LCOR: variants seen among roughly 807,000 people sequenced by gnomAD.
The protein encoded by LCOR is ligand dependent nuclear receptor corepressor, also known as ligand-dependent corepressor.
A neutral mutation model predicts 64.4 loss-of-function variants in LCOR; 14 were observed. The observed-to-expected ratio is 0.22, with a 90% confidence interval of 0.14 to 0.34. The LOEUF (loss-of-function observed/expected upper bound fraction) is 0.34. Ranked by LOEUF, LCOR falls within the 10% of genes least tolerant of loss-of-function variation. The probability of loss-of-function intolerance (pLI) is 1.00; values close to 1 mark genes in which losing one functional copy is unlikely to be tolerated. For missense variants in LCOR, 1,686 were observed against 1,765.3 expected, an observed-to-expected ratio of 0.96 and a Z score of 0.80; for synonymous variants, 643 against 642.5, an observed-to-expected ratio of 1.00 and a Z score of -0.01.
At chr10:96,960,019 A>G (rs1847854171) in intron 7 of LCOR, 2 of 152,212 alleles carry the variant, frequency 1.3e-5, no homozygotes, top group South Asian at 2.1e-4. Flanking sequence ...CTTAGCTATA[A>G]TATGAGCTAT....
At chr10:96,890,777 C>T (rs999629071) in intron 2 of LCOR, among the ~76,000 whole-genome samples, 2 of 152,178 alleles carry the variant, frequency 1.3e-5, no homozygotes, top group African/African-American at 4.8e-5. Flanking sequence ...TTGTCCAGTG[C>T]TTTTCCTATG....
At chr10:96,957,389 T>C (rs997680109) in intron 7 of LCOR, 1 of 985,086 alleles carries the variant, frequency 1.0e-6, no homozygotes, top group Non-Finnish European at 1.2e-6. Context: ...TAAGGGAAGT[T>C]TATTTTCTGC....
chr10:96,837,055 C>T (rs567777232), intron 2 of LCOR, among the ~76,000 whole-genome samples: 1 of 151,498 alleles, frequency 6.6e-6, no homozygotes, highest in South Asian at 2.1e-4. Flanking sequence ...GCAGTGGCAC[C>T]ATTTCAGCTC....
chr10:96,932,975 C>A (rs1035487861), intron 4 of LCOR, among the ~76,000 whole-genome samples: 3 of 152,128 alleles, frequency 2.0e-5, no homozygotes, highest in Non-Finnish European at 4.4e-5. Flanking sequence ...GGAACAAATT[C>A]ATTAAAATGC....
intron 4 of LCOR, among the ~76,000 whole-genome samples, chr10:96,941,610 TGGCTGCCAGGCGGAGG>T (rs1159593198): frequency 3.5e-5 from 5 of 143,212 alleles, no homozygotes; most frequent in African/African-American, 1.0e-4. Context: ...CCAGACGGGG[TGGCTGCCAGGCGGAGG>T]GGCTCCTCAC....
At position 96,991,784 on chromosome 10, in the gene LCOR, GCCATCCTTGGCACCT is replaced by G. The variant is rs1848202954; in HGVS notation, c.*6651_*6665del. 1 of 152,216 alleles carries G rather than the reference GCCATCCTTGGCACCT, an allele frequency of 6.6e-6. No homozygotes were observed. 9.4% of individuals were successfully genotyped at this position (152,216 alleles called of 1,614,324 possible). On this transcript the variant is annotated 3_prime_UTR_variant, in exon 8 of 8. Transcript: ENST00000421806. Reference sequence around the variant, plus strand: ...CCCGAGTCACTGCTCGTTCTGAGGAGCCATCCTTGGCACCTTGCCCTCCCTCCTCCTGCCTCTGCT... The same window carrying G: ...CCCGAGTCACTGCTCGTTCTGAGGAGTGCCCTCCCTCCTCCTGCCTCTGCT...
intron 4 of LCOR, among the ~76,000 whole-genome samples, chr10:96,932,821 C>A (rs541330932): frequency 2.6e-5 from 4 of 152,118 alleles, no homozygotes; most frequent in Non-Finnish European, 5.9e-5. Context: ...CATAGTACCC[C>A]GAACACTGCA....
intron 5 of LCOR, among the ~76,000 whole-genome samples, chr10:96,944,534 A>G (rs994732080): frequency 7.2e-5 from 11 of 151,808 alleles, no homozygotes; most frequent in African/African-American, 2.4e-4. Context: ...TTGTTAGACA[A>G]CTTTTCTTAT....
At position 96,873,571 on chromosome 10, in the gene LCOR, C is replaced by CACGTGTGTGTGT. The variant is rs759335426; in HGVS notation, c.-329-33694_-329-33693insACGTGTGTGTGT. 7.1e-5 allele frequency among the ~76,000 whole-genome samples: 9 copies of CACGTGTGTGTGT among 126,384 alleles called. No homozygotes were observed. In the East Asian group the frequency reaches 1.4e-3, roughly 19 times the overall value. 82.9% of individuals were successfully genotyped at this position (126,384 alleles called of 152,430 possible). On this transcript the variant is annotated intron_variant, in intron 2 of 7. Coordinates refer to ENST00000421806, the MANE Select transcript of LCOR (RefSeq NM_001346516.2). The stretch of plus-strand genomic sequence containing the variant: ...TTGTTTTTCGATACACACACACACA[C>CACGTGTGTGTGT]GTGTGTGTGTGTGTGTGTGTGTGTG...
intron 2 of LCOR, among the ~76,000 whole-genome samples, chr10:96,860,183 G>T (rs1047766238): frequency 6.6e-6 from 1 of 152,214 alleles, no homozygotes; most frequent in African/African-American, 2.4e-5. Context: ...GGGCCATGTG[G>T]TGGGTTGAAT....
At chr10:96,837,015 G>A (rs569674876) in intron 2 of LCOR, among the ~76,000 whole-genome samples, 19 of 148,272 alleles carry the variant, frequency 1.3e-4, no homozygotes, top group East Asian at 3.9e-4. Context: ...TTTTTGAGAC[G>A]GAGTCTCGCT....
intron 2 of LCOR, among the ~76,000 whole-genome samples, chr10:96,850,401 C>T (rs1554831423): frequency 1.3e-5 from 2 of 152,148 alleles, no homozygotes. Context: ...AAAGATCAAG[C>T]ATGATGAACT....
At position 96,991,022 on chromosome 10, in the gene LCOR, T is replaced by TAAAAAAAAAAAA. The variant is rs769810945; in HGVS notation, c.*5900_*5911dup. The stretch of plus-strand genomic sequence containing the variant: ...TTTTACCCTTTTTTAAAGGGTTATG[T>TAAAAAAAAAAAA]AAAAAAAAAAAAAAAAAAAAAAAGC... On this transcript the variant is annotated 3_prime_UTR_variant, in exon 8 of 8. Coordinates refer to ENST00000421806, the MANE Select transcript of LCOR (RefSeq NM_001346516.2). 1 of 77,262 alleles carries TAAAAAAAAAAAA rather than the reference T, an allele frequency of 1.3e-5. No individual in the cohort carries two copies. The highest frequency in any genetic ancestry group is 2.7e-5 in the Non-Finnish European group (1 of 37,126). The allele number at this position is 77,262 out of a possible 1,614,324, so 4.8% of individuals were successfully genotyped here.
At position 96,989,696 on chromosome 10, in the gene LCOR, T is replaced by TATATATA. The variant is rs1491204310; in HGVS notation, c.*4562_*4563insATATATA. ...AAGGATATATATATATATATATATA[T>TATATATA]TTTTTTTTTTTTTTTTTTTTTTTAA... On this transcript the variant is annotated 3_prime_UTR_variant, in exon 8 of 8. Transcript: ENST00000421806. The TATATATA allele has an allele frequency of 0.016, 1,002 of 63,946 alleles. 10 individuals carry two copies. Among genetic ancestry groups the TATATATA allele is most frequent in the Non-Finnish European group, 0.019 (734 of 39,518 alleles). The allele number at this position is 63,946 out of a possible 1,614,324, so 4.0% of individuals were successfully genotyped here. A position where few individuals can be genotyped will look rare whatever the true frequency, so the allele number is the denominator to read the frequency against.
Position 96,982,880 on chromosome 10 carries a change from A to G in LCOR, c.2420A>G (p.Lys807Arg), listed in dbSNP as rs1848105782. The G allele has an allele frequency of 1.9e-6, 3 of 1,613,918 alleles. No homozygotes were observed. The highest frequency in any genetic ancestry group is 2.5e-6 in the Non-Finnish European group (3 of 1,180,032). Residue 807 changes from lysine (K) to arginine (R), a missense_variant, in exon 8 of 8, where the codon AAA (lysine) becomes AGA (arginine). Physicochemically the swap from Lys to Arg is conservative, Grantham distance 26. Around this residue, in one of 3 missense-constraint regions of LCOR, gnomAD observed 1,293 missense variants for 1,410.4 expected, o/e 0.92. Transcript: ENST00000421806. ...EENLDKKKKG[K>R]KFPEASDRCL... The stretch of plus-strand genomic sequence containing the variant: ...AATTTGGACAAGAAGAAAAAAGGTA[A>G]AAAATTCCCTGAGGCCTCTGATAGG...
Position 96,920,686 on chromosome 10 carries a change from G to GTGTATATA in LCOR, c.-184+12943_-184+12950dup, listed in dbSNP as rs1461128335. 1.3e-3 allele frequency among the ~76,000 whole-genome samples: 170 copies of GTGTATATA among 135,860 alleles called. 3 individuals are homozygous for GTGTATATA. Among genetic ancestry groups the GTGTATATA allele is most frequent in the African/African-American group, 5.5e-3 (166 of 30,362 alleles). The allele number at this position is 135,860 out of a possible 152,430, so 89.1% of individuals were successfully genotyped here. A position where few individuals can be genotyped will look rare whatever the true frequency, so the allele number is the denominator to read the frequency against. ...TGTATATATGTATATATTCATATAT[G>GTGTATATA]TGTATATATGTTCATATATGTGTGT... On this transcript the variant is annotated intron_variant, in intron 4 of 7. Coordinates refer to ENST00000421806, the MANE Select transcript of LCOR (RefSeq NM_001346516.2).
chr10:96,956,939 A>G (rs1376493377), intron 7 of LCOR: 1 of 985,098 alleles, frequency 1.0e-6, no homozygotes, highest in Non-Finnish European at 1.2e-6. Flanking sequence ...TGTATAAGTA[A>G]TTATGATATT....
chr10:96,845,553 G>GC (rs201672121), intron 2 of LCOR, among the ~76,000 whole-genome samples: 2 of 133,070 alleles, frequency 1.5e-5, no homozygotes, highest in African/African-American at 2.8e-5. Context: ...TGCAGGCTCT[G>GC]CCCCCCGGGG....
intron 2 of LCOR, among the ~76,000 whole-genome samples, chr10:96,897,974 A>C (rs183378349): frequency 8.5e-4 from 129 of 151,918 alleles, no homozygotes; most frequent in Non-Finnish European, 1.6e-4. Flanking sequence ...AGTCCTTGTA[A>C]AATCTCCAAC....
Sources: allele counts gnomAD v4.1 joint callset (sites outside exome capture counted in the v4.1 genomes callset), GRCh38; gene constraint gnomAD v4.1.1; regional missense constraint gnomAD v4.1.1; transcripts MANE v1.5; gene names NCBI Gene and HGNC (gene_info 2026-07-23, HGNC 2026-07-21).